BARD1: variants seen among roughly 807,000 people sequenced by gnomAD.
The protein encoded by BARD1 is BRCA1 associated RING domain 1, also known as BRCA1-associated RING domain protein 1.
A neutral mutation model predicts 77.0 loss-of-function variants in BARD1; 73 were observed. That is an observed-to-expected ratio of 0.95 (90% confidence interval 0.79 to 1.15). BARD1 has a LOEUF of 1.15. Among genes scored for constraint, BARD1 ranks in the 50% most tolerant of loss-of-function variants. The pLI is 0.00. For missense variants in BARD1, 993 were observed against 938.8 expected, an observed-to-expected ratio of 1.06 and a Z score of -0.75; for synonymous variants, 384 against 338.0, an observed-to-expected ratio of 1.14 and a Z score of -1.49.
intron 1 of BARD1, among the ~76,000 whole-genome samples, chr2:214,805,029 C>T (rs975407697): frequency 5.9e-5 from 9 of 152,072 alleles, no homozygotes; most frequent in Admixed American, 1.3e-4. Flanking sequence ...GGTTTGGTGG[C>T]GCTCACCTGT....
Position 214,809,471 on chromosome 2 carries a change from G to C in BARD1, c.99C>G (p.Ala33=). ...APAMEPDGRG[A]WAHSRAALDR... is the part of the protein sequence containing the mutation. ...CGAGCGCGGCGCGACTGTGGGCCCA[G>C]GCACCGCGACCATCCGGTTCCATGG... The change falls in exon 1 of 11, where the codon GCC becomes GCG. Residue 33 remains alanine (A), a synonymous_variant. Coordinates refer to ENST00000260947, the MANE Select transcript of BARD1 (RefSeq NM_000465.4). 1 of 1,610,604 alleles carries C rather than the reference G, an allele frequency of 6.2e-7. No homozygotes were observed. The highest frequency in any genetic ancestry group is 8.5e-7 in the Non-Finnish European group (1 of 1,179,378).
intron 4 of BARD1, among the ~76,000 whole-genome samples, chr2:214,779,184 G>T (rs1197971727): frequency 1.3e-5 from 2 of 152,110 alleles, no homozygotes; most frequent in African/African-American, 2.4e-5. Context: ...ACTGGTATCA[G>T]AAATAGAGTA....
chr2:214,773,485 G>A (rs890101534), intron 4 of BARD1, among the ~76,000 whole-genome samples: 4 of 152,048 alleles, frequency 2.6e-5, no homozygotes, highest in African/African-American at 7.2e-5. Flanking sequence ...GGCATATCTC[G>A]GAGATACTGT....
rs878854006 is a variant in BARD1 at position 214,728,864 on chromosome 2, T to C, written c.2146A>G (p.Thr716Ala). The change falls in exon 11 of 11, where the codon ACC (threonine) becomes GCC (alanine). Residue 716 changes from threonine to alanine, a missense_variant. Thr to Ala is a moderately conservative substitution (Grantham distance 58). Transcript: ENST00000260947. ...GCATGGTATGCGACTGTATTGATGG[T>C]CTGAGTCACGTCACTGTCTGGCTTG... ...KPKPDSDVTQ[T>A]INTVAYHARP... is the part of the protein sequence containing the mutation. The C allele has an allele frequency of 4.3e-6, 7 of 1,614,198 alleles. No individual in the cohort carries two copies. The highest frequency in any genetic ancestry group is 5.9e-6 in the Non-Finnish European group (7 of 1,180,036).
chr2:214,775,523 A>G (rs1694699559), intron 4 of BARD1, among the ~76,000 whole-genome samples: 1 of 152,224 alleles, frequency 6.6e-6, no homozygotes, highest in South Asian at 2.1e-4. Flanking sequence ...AACAGATACA[A>G]CAATAGTGAA....
chr2:214,757,014 T>C (rs1693725808), intron 6 of BARD1, among the ~76,000 whole-genome samples: 1 of 152,132 alleles, frequency 6.6e-6, no homozygotes, highest in South Asian at 2.1e-4. Flanking sequence ...ATTAAAAGGC[T>C]GCAGCACCTC....
intron 1 of BARD1, among the ~76,000 whole-genome samples, chr2:214,797,746 C>A (rs1216780084): frequency 1.3e-5 from 2 of 152,212 alleles, no homozygotes; most frequent in East Asian, 3.9e-4. Flanking sequence ...GTGAAAAATG[C>A]AGCCATTCTT....
rs1315578980 is a variant in BARD1 at position 214,727,352 on chromosome 2, T to TG, written c.*1323dup. ...TTTTAAAACTAGGGATATTCTATTC[T>TG]GGTAGTTATCAAACTGTCCTCTTTT... On this transcript the variant is annotated 3_prime_UTR_variant, in exon 11 of 11. Coordinates refer to ENST00000260947, the MANE Select transcript of BARD1 (RefSeq NM_000465.4). 3 of 231,938 alleles carry TG rather than the reference T, an allele frequency of 1.3e-5. No homozygotes were observed. The highest frequency in any genetic ancestry group is 2.6e-5 in the Non-Finnish European group (3 of 117,326). 14.4% of individuals were successfully genotyped at this position (231,938 alleles called of 1,614,324 possible).
In BARD1 at chr2:214,728,551, T is replaced by TTTGATTTAAAGACAAATATGAA; in HGVS notation, c.*124_*125insTTCATATTTGTCTTTAAATCAA. On this transcript the variant is annotated 3_prime_UTR_variant, in exon 11 of 11. Transcript: ENST00000260947. ...CTGGCATTAGACTTTTTTTTTTTTT[T>TTTGATTTAAAGACAAATATGAA]TGATTCAAAGACAAATATGAATGAC... The TTTGATTTAAAGACAAATATGAA allele has an allele frequency of 1.1e-6, 1 of 918,238 alleles. No homozygotes were observed. Among genetic ancestry groups the TTTGATTTAAAGACAAATATGAA allele is most frequent in the Non-Finnish European group, 1.6e-6 (1 of 624,326 alleles). 56.9% of individuals were successfully genotyped at this position (918,238 alleles called of 1,614,324 possible). A position where few individuals can be genotyped will look rare whatever the true frequency, so the allele number is the denominator to read the frequency against.
At chr2:214,767,738 T>C in intron 5 of BARD1, 84 bp from the exon 6 acceptor site, 2 of 1,297,270 alleles carry the variant, frequency 1.5e-6, no homozygotes, top group South Asian at 1.3e-5. Flanking sequence ...TTTAGAAAAA[T>C]AAATGTAAAC....
At chr2:214,773,135 C>T (rs13423245) in intron 4 of BARD1, among the ~76,000 whole-genome samples, 13,582 of 151,876 alleles carry the variant, frequency 0.089, 740 homozygotes, top group African/African-American at 0.15. Context: ...TTTGTACATA[C>T]TGCAGATCCA....
intron 3 of BARD1, among the ~76,000 whole-genome samples, chr2:214,786,484 T>C (rs1695282966): frequency 6.6e-6 from 1 of 152,028 alleles, no homozygotes; most frequent in Non-Finnish European, 1.5e-5. Context: ...TTCTTTCACC[T>C]CATATTTCTT....
intron 10 of BARD1, 53 bp downstream of exon 10, chr2:214,730,358 A>T: frequency 1.4e-6 from 2 of 1,481,014 alleles, no homozygotes; most frequent in South Asian, 2.3e-5. Context: ...TGATGGTGAT[A>T]ATAATAGTAT....
intron 4 of BARD1, among the ~76,000 whole-genome samples, chr2:214,775,572 C>T (rs1559418138): frequency 6.6e-6 from 1 of 152,138 alleles, no homozygotes; most frequent in Non-Finnish European, 1.5e-5. Flanking sequence ...AAATGTGACA[C>T]AGAGACACAC....
chr2:214,731,799 G>A (rs896335110), intron 9 of BARD1, among the ~76,000 whole-genome samples: 5 of 152,206 alleles, frequency 3.3e-5, no homozygotes, highest in South Asian at 2.1e-4. Context: ...TAGAACAGGA[G>A]TTTAATAGCA....
intron 7 of BARD1, among the ~76,000 whole-genome samples, chr2:214,751,138 TATATATATATA>T (rs1559393092): frequency 3.4e-4 from 15 of 44,138 alleles, no homozygotes; most frequent in Admixed American, 7.1e-4. Flanking sequence ...TATATATATA[TATATATATATA>T]TATTTTTTTT....
intron 4 of BARD1, among the ~76,000 whole-genome samples, chr2:214,778,132 G>T (rs1025183642): frequency 6.6e-6 from 1 of 152,006 alleles, no homozygotes; most frequent in Admixed American, 6.6e-5. Context: ...GGAGGCGGAG[G>T]TTGCAGTGAG....
At position 214,732,158 on chromosome 2, in the gene BARD1, G is replaced by A. The variant is rs1692382971; in HGVS notation, c.1904-1650C>T. Among the ~76,000 whole-genome samples, 3 of 152,282 alleles carry A rather than the reference G, an allele frequency of 2.0e-5. 1 individual carries two copies. In the South Asian group the frequency reaches 6.2e-4, roughly 32 times the overall value. On this transcript the variant is annotated intron_variant, in intron 9 of 10. Transcript: ENST00000260947. Reference sequence around the variant, plus strand: ...CCTCTTGAAAAATGCTAGTGATAAAGTTTTGTCCAGCTGATCCCTACTTAC... The same window carrying A: ...CCTCTTGAAAAATGCTAGTGATAAAATTTTGTCCAGCTGATCCCTACTTAC...
intron 6 of BARD1, among the ~76,000 whole-genome samples, chr2:214,757,858 T>A (rs1185480519): frequency 6.6e-6 from 1 of 151,568 alleles, no homozygotes; most frequent in Non-Finnish European, 1.5e-5. Context: ...ACAAACAGAA[T>A]AAGAATATCC....
Sources: allele counts gnomAD v4.1 joint callset (sites outside exome capture counted in the v4.1 genomes callset), GRCh38; gene constraint gnomAD v4.1.1; transcripts MANE v1.5; gene names NCBI Gene and HGNC (gene_info 2026-07-23, HGNC 2026-07-21).